Variants in CFAP47 observed in about 807,000 individuals in gnomAD.
CFAP47 encodes the protein cilia and flagella associated protein 47.
A neutral mutation model predicts 148.1 loss-of-function variants in CFAP47; 29 were observed. That is an observed-to-expected ratio of 0.20 (90% CI 0.15 to 0.27). The LOEUF (loss-of-function observed/expected upper bound fraction) is 0.27. Among genes scored for constraint, CFAP47 ranks in the 10% least tolerant of loss-of-function variants. The pLI, the probability that CFAP47 is intolerant of heterozygous loss-of-function variation, is 1.00. For synonymous variants in CFAP47, 664 were observed against 577.3 expected (o/e 1.15, Z -2.15); for missense variants, 1,872 against 1,697.5 (o/e 1.10, Z -1.81).
In CFAP47 at chrX:35,995,537, A is replaced by G. The variant is rs191996872; in HGVS notation, c.3100-1775A>G. On this transcript the variant is annotated intron_variant, in intron 18 of 63. Coordinates refer to ENST00000378653, the MANE Select transcript of CFAP47 (RefSeq NM_001304548.2). ...AATATATGGGGATTGGTGATTGAAA[A>G]GGGGTCCCATGTAAATAAAATGGGT... is the stretch of plus-strand genomic sequence containing the variant. 2.7e-5 allele frequency among the ~76,000 whole-genome samples: 3 copies of G among 111,277 alleles called. No individual in the cohort carries two copies. In the East Asian group the frequency reaches 8.5e-4, roughly 32 times the overall value.
intron 36 of CFAP47, 54 bp downstream of exon 36, chrX:36,145,407 T>C (rs1939219285): frequency 3.4e-6 from 1 of 290,651 alleles, no homozygotes; most frequent in Non-Finnish European, 6.0e-6. Context: ...TTAAGAGAGG[T>C]TTTAGATATT....
At chrX:36,023,683 C>T (rs1042203930) in intron 22 of CFAP47, among the ~76,000 whole-genome samples, 1 of 112,156 alleles carries the variant, frequency 8.9e-6, no homozygotes, top group Admixed American at 9.4e-5. Flanking sequence ...ATGCAGTTCT[C>T]CCCACTCTTT....
chrX:35,924,374 T>C (rs1328972206), intron 1 of CFAP47, among the ~76,000 whole-genome samples: 1 of 105,086 alleles, frequency 9.5e-6, no homozygotes, highest in Non-Finnish European at 1.9e-5. Context: ...TATATGTGCA[T>C]ATATGCACAC....
intron 15 of CFAP47, among the ~76,000 whole-genome samples, chrX:35,984,141 TCAA>T (rs1033201651): frequency 3.6e-5 from 4 of 111,723 alleles, no homozygotes; most frequent in Non-Finnish European, 1.9e-5. Context: ...ATTTCAGAAC[TCAA>T]TACTGGTCTG....
chrX:36,359,819 C>T (rs1602125526), intron 60 of CFAP47, among the ~76,000 whole-genome samples: 1 of 111,099 alleles, frequency 9.0e-6, no homozygotes, highest in South Asian at 3.8e-4. Flanking sequence ...GGCACAATCT[C>T]GGCTCACTGC....
At chrX:35,922,469 T>G (rs373702773) in intron 1 of CFAP47, among the ~76,000 whole-genome samples, 10 of 112,659 alleles carry the variant, frequency 8.9e-5, no homozygotes, top group Middle Eastern at 4.6e-3. Flanking sequence ...CAACATGCAG[T>G]TTGACCAAAA....
At chrX:36,194,845 A>G (rs897153801) in intron 42 of CFAP47, among the ~76,000 whole-genome samples, 2 of 112,038 alleles carry the variant, frequency 1.8e-5, no homozygotes, top group Non-Finnish European at 3.8e-5. Flanking sequence ...AATACAATTC[A>G]AGATGATATT....
chrX:36,035,618 G>T (rs1438965256), intron 23 of CFAP47, 77 bp from the exon 24 acceptor site: 12 of 285,119 alleles, frequency 4.2e-5, no homozygotes, highest in Non-Finnish European at 7.4e-5. Flanking sequence ...TCATCAAATT[G>T]AGATGGTAAT....
chrX:36,162,252 T>A (rs149546917), intron 39 of CFAP47, among the ~76,000 whole-genome samples: 60 of 111,944 alleles, frequency 5.4e-4, no homozygotes, highest in African/African-American at 1.7e-3. Context: ...TGATTTTAAC[T>A]ATATCCTTCC....
intron 26 of CFAP47, among the ~76,000 whole-genome samples, chrX:36,058,951 G>A (rs765364771): frequency 3.2e-4 from 36 of 111,652 alleles, no homozygotes; most frequent in Non-Finnish European, 5.8e-4. Flanking sequence ...ATATTCTTTC[G>A]GATTGTACTG....
rs1937789734 is a variant in CFAP47 at position 36,073,274 on chromosome X, A to G, written c.4601A>G (p.Glu1534Gly). 8.3e-7 allele frequency: 1 copy of G among 1,208,216 alleles called. No individual in the cohort carries two copies. Among genetic ancestry groups the G allele is most frequent in the Admixed American group, 2.2e-5 (1 of 45,622 alleles). The part of the protein sequence containing the change: ...EEGTKAHYFF[E>G]KVVNAAQTWF... ...GGAACAAAGGCACACTACTTTTTTGAGAAGGTTGTAAATGCAGCACAGACC... is the reference window on the plus strand; with the variant it reads ...GGAACAAAGGCACACTACTTTTTTGGGAAGGTTGTAAATGCAGCACAGACC... The change falls in exon 29 of 64, where the codon GAG becomes GGG. Residue 1534 changes from glutamate to glycine, a missense_variant. Glu to Gly is a moderately conservative substitution (Grantham distance 98, BLOSUM62 -2). Transcript: ENST00000378653.
chrX:36,367,251 T>C, intron 62 of CFAP47, 124 bp downstream of exon 62: 1 of 436,928 alleles, frequency 2.3e-6, no homozygotes, highest in Non-Finnish European at 3.6e-6. Flanking sequence ...ATTGGTTCTC[T>C]GACTCAAAGC....
intron 57 of CFAP47, among the ~76,000 whole-genome samples, chrX:36,347,314 C>A (rs1212383395): frequency 8.9e-6 from 1 of 111,866 alleles, no homozygotes; most frequent in African/African-American, 3.3e-5. Flanking sequence ...GGAAAAATGG[C>A]AACACTTTTA....
At chrX:36,172,106 C>T (rs1274608058) in intron 39 of CFAP47, among the ~76,000 whole-genome samples, 43 of 107,126 alleles carry the variant, frequency 4.0e-4, no homozygotes, top group Non-Finnish European at 5.8e-4. Flanking sequence ...GTTTGTCTGT[C>T]GTTGGTGTAT....
intron 35 of CFAP47, chrX:36,144,662 G>A: frequency 9.7e-7 from 1 of 1,027,826 alleles, no homozygotes; most frequent in Non-Finnish European, 1.3e-6. Flanking sequence ...GATTGGCTGT[G>A]GCAGTGGCCA....
chrX:36,221,434 C>A (rs782090624), intron 45 of CFAP47, among the ~76,000 whole-genome samples: 1 of 110,901 alleles, frequency 9.0e-6, no homozygotes, highest in East Asian at 2.9e-4. Context: ...TGAAAATAAA[C>A]AAAACTTGAT....
intron 62 of CFAP47, 95 bp from the exon 63 acceptor site, chrX:36,379,255 T>C (rs1942054513): frequency 2.5e-6 from 2 of 788,997 alleles, no homozygotes; most frequent in Non-Finnish European, 3.7e-6. Flanking sequence ...ACCAGGCCTA[T>C]TGCAGCAGGA....
At chrX:36,116,467 A>G (rs1358266085) in intron 33 of CFAP47, among the ~76,000 whole-genome samples, 3 of 112,492 alleles carry the variant, frequency 2.7e-5, no homozygotes, top group African/African-American at 9.7e-5. Flanking sequence ...AATATATAAT[A>G]GTTAACGAGC....
intron 1 of CFAP47, among the ~76,000 whole-genome samples, chrX:35,925,327 ATC>A: frequency 9.0e-6 from 1 of 110,822 alleles, no homozygotes; most frequent in East Asian, 2.9e-4. Context: ...GTGAGCAGAG[ATC>A]ACGCCACTGC....
Sources: gnomAD v4.1 joint callset for allele counts (sites outside exome capture counted in the v4.1 genomes callset) on GRCh38, gnomAD v4.1.1 for gene constraint, MANE v1.5 for transcripts, NCBI Gene and HGNC (gene_info 2026-07-23, HGNC 2026-07-21) for gene names.